SMCO4: variants seen among roughly 807,000 people sequenced by gnomAD.
The protein encoded by SMCO4 is single-pass membrane and coiled-coil domain-containing protein 4.
In SMCO4, 4 loss-of-function variants were observed where a neutral mutation model predicts 3.6. The observed-to-expected ratio is 1.11, with a 90% confidence interval of 0.54 to 2.53. The LOEUF (loss-of-function observed/expected upper bound fraction) is 2.53, where lower values mean the gene tolerates loss of function less well. Among genes scored for constraint, SMCO4 ranks in the 30% most tolerant of loss-of-function variants. The probability of loss-of-function intolerance (pLI) is 0.02; values close to 1 mark genes in which losing one functional copy is unlikely to be tolerated. For missense variants in SMCO4, 70 were observed against 80.8 expected, an observed-to-expected ratio of 0.87 and a Z score of 0.51; for synonymous variants, 36 against 35.3, an observed-to-expected ratio of 1.02 and a Z score of -0.07.
chr11:93,537,608 C>T (rs917533379), intron 1 of SMCO4, among the ~76,000 whole-genome samples: 2 of 151,868 alleles, frequency 1.3e-5, no homozygotes, highest in Admixed American at 1.3e-4. Context: ...GGGCTTTGCT[C>T]AGGACATAAT....
At chr11:93,499,842 A>G (rs1171902357) in intron 1 of SMCO4, among the ~76,000 whole-genome samples, 1 of 152,224 alleles carries the variant, frequency 6.6e-6, no homozygotes, top group African/African-American at 2.4e-5. Context: ...TGACCCAGGC[A>G]TCCGAACTAC....
intron 2 of SMCO4, among the ~76,000 whole-genome samples, chr11:93,498,877 C>T (rs1237573073): frequency 6.6e-6 from 1 of 152,146 alleles, no homozygotes; most frequent in East Asian, 1.9e-4. Flanking sequence ...AACTCAGATG[C>T]ACCCTTAAGC....
intron 1 of SMCO4, chr11:93,535,732 G>A: frequency 1.2e-6 from 2 of 1,613,686 alleles, no homozygotes; most frequent in Non-Finnish European, 1.7e-6. Flanking sequence ...CCTCCTGAGA[G>A]CTAACATGGA....
chr11:93,549,177 G>A, the SMCO4 span, among the ~76,000 whole-genome samples: 5 of 152,136 alleles, frequency 3.3e-5, no homozygotes, highest in African/African-American at 1.2e-4. Flanking sequence ...GAGAGTCCTT[G>A]GGTGTCCCCA....
intron 1 of SMCO4, among the ~76,000 whole-genome samples, chr11:93,535,175 G>C (rs1479391897): frequency 6.6e-6 from 1 of 152,164 alleles, no homozygotes; most frequent in Non-Finnish European, 1.5e-5. Flanking sequence ...ACTCTGGCAA[G>C]TTACACCAAA....
At chr11:93,537,209 C>T (rs1055531112) in intron 1 of SMCO4, among the ~76,000 whole-genome samples, 7 of 152,230 alleles carry the variant, frequency 4.6e-5, no homozygotes, top group Non-Finnish European at 8.8e-5. Flanking sequence ...GCCAAAGAAA[C>T]GGCCTGGCCA....
At chr11:93,499,746 T>A (rs955970010) in intron 1 of SMCO4, among the ~76,000 whole-genome samples, 14 of 152,170 alleles carry the variant, frequency 9.2e-5, no homozygotes, top group African/African-American at 3.4e-4. Flanking sequence ...GGATACAGGT[T>A]TGGGATTAGA....
chr11:93,529,317 G>T (rs1269822720), intron 1 of SMCO4, among the ~76,000 whole-genome samples: 1 of 152,226 alleles, frequency 6.6e-6, no homozygotes, highest in Non-Finnish European at 1.5e-5. Context: ...TTGGATGGGT[G>T]TGTTTTGTTT....
chr11:93,540,946 T>C (rs1949266212), intron 1 of SMCO4, among the ~76,000 whole-genome samples: 1 of 152,174 alleles, frequency 6.6e-6, no homozygotes, highest in Non-Finnish European at 1.5e-5. Context: ...AAAATACCAC[T>C]ACCTCAAACT....
intron 1 of SMCO4, among the ~76,000 whole-genome samples, chr11:93,522,651 G>A (rs1565385636): frequency 6.6e-6 from 1 of 152,240 alleles, no homozygotes; most frequent in Non-Finnish European, 1.5e-5. Context: ...CTAGGCAGGT[G>A]GCCAGGTAAA....
chr11:93,534,258 A>ACG (rs1446961695), intron 1 of SMCO4, among the ~76,000 whole-genome samples: 15 of 145,584 alleles, frequency 1.0e-4, no homozygotes, highest in Non-Finnish European at 1.8e-4. Flanking sequence ...ACACACACAC[A>ACG]CACAAACACA....
intron 1 of SMCO4, among the ~76,000 whole-genome samples, chr11:93,532,920 G>A (rs1294045086): frequency 1.3e-5 from 2 of 152,154 alleles, no homozygotes; most frequent in East Asian, 3.8e-4. Context: ...TAGGCCCCAT[G>A]AGAACAGGAT....
chr11:93,498,136 T>C (rs35368196), intron 2 of SMCO4, among the ~76,000 whole-genome samples: 18,272 of 152,198 alleles, frequency 0.12, 1,359 homozygotes, highest in Non-Finnish European at 0.17. Context: ...CAGACAACAA[T>C]GTGCAGATGA....
chr11:93,523,413 T>G (rs1949077093), intron 1 of SMCO4: 1 of 152,522 alleles, frequency 6.6e-6, no homozygotes, highest in Non-Finnish European at 1.5e-5. Flanking sequence ...ATCCCAGCAC[T>G]CTGGGAGGCC....
At chr11:93,552,829 C>A in the SMCO4 span, among the ~76,000 whole-genome samples, 1 of 147,836 alleles carries the variant, frequency 6.8e-6, no homozygotes, top group Non-Finnish European at 1.5e-5. Context: ...ATGTCCACAT[C>A]AATTTAATTT....
At chr11:93,494,322 C>T (rs1360389970) in intron 2 of SMCO4, among the ~76,000 whole-genome samples, 2 of 152,210 alleles carry the variant, frequency 1.3e-5, no homozygotes, top group African/African-American at 4.8e-5. Flanking sequence ...AAACACATTC[C>T]TAGCATAAAT....
intron 1 of SMCO4, among the ~76,000 whole-genome samples, chr11:93,526,993 C>T (rs1949114194): frequency 6.6e-6 from 1 of 152,162 alleles, no homozygotes; most frequent in Non-Finnish European, 1.5e-5. Context: ...AATTCCGACA[C>T]ACAACCCTCT....
At chr11:93,489,648 G>GA (rs757284913) in intron 2 of SMCO4, among the ~76,000 whole-genome samples, 4 of 152,244 alleles carry the variant, frequency 2.6e-5, no homozygotes, top group Non-Finnish European at 5.9e-5. Flanking sequence ...GTAAGAGAAA[G>GA]ACAATGTGAG....
At chr11:93,523,552 C>T (rs902030076) in intron 1 of SMCO4, among the ~76,000 whole-genome samples, 1 of 152,002 alleles carries the variant, frequency 6.6e-6, no homozygotes, top group Non-Finnish European at 1.5e-5. Flanking sequence ...CCAGCTATTC[C>T]GGAGGCAGAG....
Sources: gnomAD v4.1 joint callset for allele counts (sites outside exome capture counted in the v4.1 genomes callset) on GRCh38, gnomAD v4.1.1 for gene constraint, MANE v1.5 for transcripts, NCBI Gene and HGNC (gene_info 2026-07-23, HGNC 2026-07-21) for gene names.